The following TMEM132B variants were observed in gnomAD, a reference collection of about 807,000 sequenced individuals.
TMEM132B encodes the protein transmembrane protein 132B.
In TMEM132B, 18 loss-of-function variants were observed where a neutral mutation model predicts 90.8. That is an observed-to-expected ratio of 0.20 (90% CI 0.14 to 0.29). The LOEUF (loss-of-function observed/expected upper bound fraction) is 0.29, where lower values mean the gene tolerates loss of function less well. Among genes scored for constraint, TMEM132B ranks in the 10% least tolerant of loss-of-function variants. The pLI, the probability that TMEM132B is intolerant of heterozygous loss-of-function variation, is 1.00. For synonymous variants in TMEM132B, 504 were observed against 523.3 expected (o/e 0.96, Z 0.50); for missense variants, 1,096 against 1,326.8 (o/e 0.83, Z 2.70).
intron 1 of TMEM132B, among the ~76,000 whole-genome samples, chr12:125,347,176 T>C (rs1233634986): frequency 2.0e-5 from 3 of 152,252 alleles, no homozygotes; most frequent in Non-Finnish European, 2.9e-5. Flanking sequence ...AGCTTCCGAT[T>C]GGCTGAACAT....
chr12:125,422,408 C>T (rs1315680183), intron 3 of TMEM132B, among the ~76,000 whole-genome samples: 1 of 152,198 alleles, frequency 6.6e-6, no homozygotes, highest in South Asian at 2.1e-4. Context: ...TCTTGCCCAG[C>T]CAGCTTTCAG....
At chr12:125,309,456 C>T (rs112911601) in intron 1 of TMEM132B, among the ~76,000 whole-genome samples, 2,190 of 152,178 alleles carry the variant, frequency 0.014, 60 homozygotes, top group African/African-American at 0.049. Flanking sequence ...CTTTTTGTAT[C>T]TGATGTTCTC....
intron 5 of TMEM132B, among the ~76,000 whole-genome samples, chr12:125,632,199 A>G (rs995044114): frequency 5.9e-5 from 9 of 152,066 alleles, no homozygotes; most frequent in Admixed American, 4.6e-4. Flanking sequence ...ATACTATCTT[A>G]TAACCCATTA....
At chr12:125,623,745 G>T (rs1886166715) in intron 5 of TMEM132B, among the ~76,000 whole-genome samples, 1 of 152,170 alleles carries the variant, frequency 6.6e-6, no homozygotes, top group South Asian at 2.1e-4. Context: ...TGGGCTTCCT[G>T]CAGGGCATCG....
At chr12:125,336,602 A>T (rs1235948470) in intron 1 of TMEM132B, among the ~76,000 whole-genome samples, 1 of 152,260 alleles carries the variant, frequency 6.6e-6, no homozygotes, top group East Asian at 1.9e-4. Flanking sequence ...AGTCTGAATC[A>T]GTGAGAAGTC....
chr12:125,563,412 ACCTGGC>A (rs1173062091), intron 4 of TMEM132B, among the ~76,000 whole-genome samples: 29 of 152,014 alleles, frequency 1.9e-4, no homozygotes, highest in African/African-American at 7.0e-4. Flanking sequence ...ATCGAGACTA[ACCTGGC>A]CAACACGGTG....
chr12:125,351,015 G>T (rs916113365), intron 2 of TMEM132B, among the ~76,000 whole-genome samples: 16 of 152,184 alleles, frequency 1.1e-4, no homozygotes, highest in African/African-American at 3.6e-4. Flanking sequence ...TTTTAGTGCG[G>T]GGGTTTGGAT....
intron 3 of TMEM132B, among the ~76,000 whole-genome samples, chr12:125,503,430 T>G (rs1218150574): frequency 6.6e-6 from 1 of 152,214 alleles, no homozygotes; most frequent in Non-Finnish European, 1.5e-5. Context: ...ATTAGTGGTC[T>G]TTTTTCTCAG....
Position 125,590,054 on chromosome 12 carries a change from A to G in TMEM132B, c.1437+6060A>G, listed in dbSNP as rs528765588. On this transcript the variant is annotated intron_variant, in intron 5 of 8. Transcript: ENST00000682704. ...AGTTCACATGAGACCTGGTTGTTTA[A>G]AAGTGTGTGGCACCTCCTCACTCCC... Among the ~76,000 whole-genome samples the G allele has an allele frequency of 2.0e-5, 3 of 152,162 alleles. No individual in the cohort carries two copies. The South Asian group carries it at 6.2e-4, about 32-fold the overall frequency.
At chr12:125,605,482 G>T (rs1885671593) in intron 5 of TMEM132B, among the ~76,000 whole-genome samples, 2 of 152,208 alleles carry the variant, frequency 1.3e-5, no homozygotes, top group African/African-American at 4.8e-5. Context: ...GAGCAGAGCT[G>T]AGAGGCAGAG....
At chr12:125,208,115 T>G (rs1400318178) in intron 1 of TMEM132B, among the ~76,000 whole-genome samples, 1 of 152,160 alleles carries the variant, frequency 6.6e-6, no homozygotes, top group Admixed American at 6.5e-5. Context: ...GAAACTGAGG[T>G]ACACAGATCA....
At chr12:125,639,099 T>C (rs1322870781) in intron 5 of TMEM132B, among the ~76,000 whole-genome samples, 1 of 152,198 alleles carries the variant, frequency 6.6e-6, no homozygotes, top group African/African-American at 2.4e-5. Flanking sequence ...GTTAGATGAA[T>C]GATGGGAATC....
At chr12:125,383,279 TC>T (rs1878736731) in intron 2 of TMEM132B, among the ~76,000 whole-genome samples, 1 of 152,214 alleles carries the variant, frequency 6.6e-6, no homozygotes, top group African/African-American at 2.4e-5. Flanking sequence ...TGGACCACCT[TC>T]GTGATTTGTG....
At position 125,658,728 on chromosome 12, in the gene TMEM132B, G is replaced by A. The variant is rs552919657; in HGVS notation, c.*4018G>A. 7 of 152,242 alleles carry A rather than the reference G, an allele frequency of 4.6e-5. No homozygotes were observed. The South Asian group carries it at 6.2e-4, about 14-fold the overall frequency. 9.4% of individuals were successfully genotyped at this position (152,242 alleles called of 1,614,324 possible). Reference sequence around the variant, plus strand: ...TTTTAAAGTGAAAGCATGCAAAATCGTAGCTTTTAAATGTACAGACATCCC... The same window carrying A: ...TTTTAAAGTGAAAGCATGCAAAATCATAGCTTTTAAATGTACAGACATCCC... On this transcript the variant is annotated 3_prime_UTR_variant, in exon 9 of 9. Transcript: ENST00000682704.
intron 1 of TMEM132B, among the ~76,000 whole-genome samples, chr12:125,289,532 C>T (rs1189089666): frequency 6.6e-6 from 1 of 152,176 alleles, no homozygotes; most frequent in African/African-American, 2.4e-5. Context: ...TTCTACCCAC[C>T]CCTGTATTTG....
chr12:125,386,389 A>G (rs972238684), intron 2 of TMEM132B, among the ~76,000 whole-genome samples: 2 of 152,352 alleles, frequency 1.3e-5, no homozygotes, highest in East Asian at 3.9e-4. Context: ...GTTACGTATG[A>G]CTATGGTCTA....
At chr12:125,536,495 A>C (rs1445855660) in intron 4 of TMEM132B, among the ~76,000 whole-genome samples, 1 of 152,098 alleles carries the variant, frequency 6.6e-6, no homozygotes, top group African/African-American at 2.4e-5. Flanking sequence ...TGCACCATCC[A>C]CTCAATTCAG....
At chr12:125,644,750 C>T (rs966175879) in intron 6 of TMEM132B, among the ~76,000 whole-genome samples, 37 of 152,120 alleles carry the variant, frequency 2.4e-4, no homozygotes, top group Middle Eastern at 3.2e-3. Flanking sequence ...CACCATCCCG[C>T]GCCGGGCAAG....
chr12:125,598,469 T>C (rs982665056), intron 5 of TMEM132B, among the ~76,000 whole-genome samples: 2 of 152,134 alleles, frequency 1.3e-5, no homozygotes, highest in Non-Finnish European at 2.9e-5. Flanking sequence ...TGTAAATCAA[T>C]ATGCCATCTG....
Sources: allele counts gnomAD v4.1 joint callset (sites outside exome capture counted in the v4.1 genomes callset), GRCh38; gene constraint gnomAD v4.1.1; transcripts MANE v1.5; gene names NCBI Gene and HGNC (gene_info 2026-07-23, HGNC 2026-07-21).